EPHB4: variants seen among roughly 807,000 people sequenced by gnomAD.
The protein encoded by EPHB4 is EPH receptor B4, also known as ephrin type-B receptor 4.
EPHB4 carries 50 observed loss-of-function variants against 110.6 expected under a neutral mutation model. The observed-to-expected ratio is 0.45, with a 90% confidence interval of 0.36 to 0.57. EPHB4 has a LOEUF of 0.57. Among genes scored for constraint, EPHB4 ranks in the 20% least tolerant of loss-of-function variants. The pLI is 0.00. For synonymous variants in EPHB4, 592 were observed against 578.4 expected, an observed-to-expected ratio of 1.02 and a Z score of -0.34; for missense variants, 1,128 against 1,382.1, an observed-to-expected ratio of 0.82 and a Z score of 2.91.
chr7:100,804,343 T>A (rs1337389236), intron 16 of EPHB4, among the ~76,000 whole-genome samples: 1 of 142,430 alleles, frequency 7.0e-6, no homozygotes, highest in African/African-American at 2.7e-5. Context: ...GAGATGGAAT[T>A]TCACTCTGTC....
In EPHB4 at chr7:100,813,031, C is replaced by T. The variant is rs144744218; in HGVS notation, c.1871-37G>A. 10 of 1,612,490 alleles carry T rather than the reference C, an allele frequency of 6.2e-6. No individual in the cohort carries two copies. The Admixed American group carries it at 1.0e-4, about 16-fold the overall frequency. On this transcript the variant is annotated intron_variant, in intron 11 of 16. Transcript: ENST00000358173. ...GACGCAGAGGTCATCAGCTCTCCCG[C>T]TCCAGTGTGGCCCTGCCCACCCCCG...
rs549419150 is a variant in EPHB4, at chr7:100,826,962, C to G, written c.52+17G>C. On this transcript the variant is annotated intron_variant, in intron 1 of 16. Coordinates refer to ENST00000358173, the MANE Select transcript of EPHB4 (RefSeq NM_004444.5). ...CCAGGAGTGACGGGGTGCGCCCCCC[C>G]CCGCAAGGAAACTCACCTTCCAAAG... 380 of 1,527,348 alleles carry G rather than the reference C, an allele frequency of 2.5e-4. 2 individuals carry two copies. Among genetic ancestry groups the G allele is most frequent in the Middle Eastern group, 3.4e-4 (2 of 5,842 alleles). 94.6% of individuals were successfully genotyped at this position (1,527,348 alleles called of 1,614,324 possible).
At position 100,813,004 on chromosome 7, in the gene EPHB4, A is replaced by G; in HGVS notation, c.1871-10T>C. On this transcript the variant is annotated splice_polypyrimidine_tract_variant and intron_variant, in intron 11 of 16. Coordinates refer to ENST00000358173, the MANE Select transcript of EPHB4 (RefSeq NM_004444.5). ...ACCTCGCCAAACTCACCTTCAAACAAGGACGCAGAGGTCATCAGCTCTCCC... is the reference window on the plus strand; with the variant it reads ...ACCTCGCCAAACTCACCTTCAAACAGGGACGCAGAGGTCATCAGCTCTCCC... 6.2e-7 allele frequency: 1 copy of G among 1,612,478 alleles called. No individual in the cohort carries two copies. Among genetic ancestry groups the G allele is most frequent in the Non-Finnish European group, 8.5e-7 (1 of 1,178,942 alleles).
rs903791187 is a variant in EPHB4, at chr7:100,820,411, G to A, written c.809-115C>T. Reference sequence around the variant, plus strand: ...TTTGGGAGGCTGAGGCTGGAGGATCGCTTGAGCCAAGGGGTTCAAGACCAG... The same window carrying A: ...TTTGGGAGGCTGAGGCTGGAGGATCACTTGAGCCAAGGGGTTCAAGACCAG... On this transcript the variant is annotated intron_variant, in intron 4 of 16. Transcript: ENST00000358173. The A allele has an allele frequency of 1.3e-5, 17 of 1,349,204 alleles. No individual in the cohort carries two copies. The African/African-American group carries it at 1.5e-4, about 12-fold the overall frequency. The allele number at this position is 1,349,204 out of a possible 1,614,324, so 83.6% of individuals were successfully genotyped here.
chr7:100,810,078 T>C (rs1812895846), intron 12 of EPHB4, among the ~76,000 whole-genome samples: 1 of 152,016 alleles, frequency 6.6e-6, no homozygotes, highest in Non-Finnish European at 1.5e-5. Flanking sequence ...GGTGAAACCC[T>C]GTCTCTACTA....
At position 100,807,598 on chromosome 7, in the gene EPHB4, TG is replaced by T; in HGVS notation, c.2119-19del. The T allele has an allele frequency of 1.2e-6, 2 of 1,608,336 alleles. No individual in the cohort carries two copies. The highest frequency in any genetic ancestry group is 1.7e-6 in the Non-Finnish European group (2 of 1,175,952). On this transcript the variant is annotated intron_variant, in intron 12 of 16. Transcript: ENST00000358173. ...TCGTTTAGCTGGAGAGCAGATAGGGTGGGGGCTTGGTGAGGACAGCCCACCC... is the reference window on the plus strand; with the variant it reads ...TCGTTTAGCTGGAGAGCAGATAGGGTGGGGCTTGGTGAGGACAGCCCACCC...
At chr7:100,816,931 A>C (rs1813085368) in intron 8 of EPHB4, among the ~76,000 whole-genome samples, 1 of 151,930 alleles carries the variant, frequency 6.6e-6, no homozygotes, top group African/African-American at 2.4e-5. Context: ...AAAATACAAA[A>C]AATCGGCCAG....
intron 12 of EPHB4, among the ~76,000 whole-genome samples, chr7:100,811,399 A>T (rs56135824): frequency 0.09 from 13,697 of 151,718 alleles, 685 homozygotes; most frequent in African/African-American, 0.13. Flanking sequence ...ATTTGAAATG[A>T]TTTGTTTACT....
rs745973556 is a variant in EPHB4 at position 100,817,220 on chromosome 7, C to A, written c.1560G>T (p.Gln520His). The part of the protein sequence containing the change: ...RSEAGYGPFG[Q>H]EHHSQTQLDE... ...CCAGTTGGGTCTGGCTGTGATGTTC[C>A]TGGCCGAAGGGCCCGTAGCCGGCCT... The change falls in exon 8 of 17, where the codon CAG becomes CAT. Residue 520 changes from glutamine (Q) to histidine (H), a missense_variant. Transcript: ENST00000358173. 1.3e-6 allele frequency: 2 copies of A among 1,590,014 alleles called. No homozygotes were observed. The highest frequency in any genetic ancestry group is 1.7e-6 in the Non-Finnish European group (2 of 1,168,508).
intron 4 of EPHB4, among the ~76,000 whole-genome samples, chr7:100,820,826 C>T (rs772009721): frequency 6.6e-6 from 1 of 151,408 alleles, no homozygotes; most frequent in Non-Finnish European, 1.5e-5. Flanking sequence ...TCACCATGAG[C>T]AAAAACAATC....
Position 100,824,043 on chromosome 7 carries a change from C to T in EPHB4, c.124-112G>A, listed in dbSNP as rs41280998. ...TGAGAAAGGGGGGCTGCTGGTACTG[C>T]GAGGAGGGCGCCTCTGAGAAGGGCT... On this transcript the variant is annotated intron_variant, in intron 2 of 16. Transcript: ENST00000358173. 119,432 of 1,510,550 alleles carry T rather than the reference C, an allele frequency of 0.079. 5,088 individuals carry two copies. Among genetic ancestry groups the T allele is most frequent in the African/African-American group, 0.14 (9,944 of 72,634 alleles). 93.6% of individuals were successfully genotyped at this position (1,510,550 alleles called of 1,614,324 possible).
intron 12 of EPHB4, among the ~76,000 whole-genome samples, chr7:100,809,755 C>T (rs1336127087): frequency 1.3e-5 from 2 of 152,206 alleles, no homozygotes; most frequent in South Asian, 2.1e-4. Flanking sequence ...CTCGAGTGAT[C>T]CACCAGCCTC....
chr7:100,806,334 A>T (rs1812816693), intron 14 of EPHB4, 86 bp downstream of exon 14: 3 of 1,488,470 alleles, frequency 2.0e-6, no homozygotes, highest in South Asian at 2.6e-5. Context: ...CCCAGCAGTG[A>T]TGACTCTCTG....
chr7:100,820,477 A>G, intron 4 of EPHB4, 181 bp from the exon 5 acceptor site: 1 of 611,270 alleles, frequency 1.6e-6, no homozygotes, highest in South Asian at 3.7e-5. Context: ...AAAAAAAAAA[A>G]AAAAATTCCA....
chr7:100,803,470 CG>C lies in EPHB4; in HGVS notation c.2954del (p.Pro985ArgfsTer43). On this transcript the variant is annotated frameshift_variant, in exon 17 of 17. Coordinates refer to ENST00000358173, the MANE Select transcript of EPHB4 (RefSeq NM_004444.5). LOFTEE classifies it high-confidence loss of function. The stretch of plus-strand genomic sequence containing the variant: ...GGGGAGTTCCTGCAGGTCAGTACTG[CG>C]GGGCCGGTCCTCCTGTCCCACCCGG... ...GTPGGTGGPA[P>X]QY 1 of 1,572,610 alleles carries C rather than the reference CG, an allele frequency of 6.4e-7. No individual in the cohort carries two copies.
intron 16 of EPHB4, 70 bp from the exon 17 acceptor site, chr7:100,803,660 A>G: frequency 6.6e-7 from 1 of 1,506,428 alleles, no homozygotes; most frequent in Non-Finnish European, 8.9e-7. Flanking sequence ...TTGGCTCCTG[A>G]GACGGTCCTA....
In EPHB4 at chr7:100,818,282, G is replaced by A. The variant is rs1322416755; in HGVS notation, c.1422+238C>T. On this transcript the variant is annotated intron_variant, in intron 7 of 16. Transcript: ENST00000358173. ...TCCCAAAGTGCTTGGTATTACAGGC[G>A]TGAGCCACCGCACCCAACCTCAGCC... is the stretch of plus-strand genomic sequence containing the variant. Among the ~76,000 whole-genome samples, 7 of 152,168 alleles carry A rather than the reference G, an allele frequency of 4.6e-5. No individual in the cohort carries two copies. The South Asian group carries it at 6.2e-4, about 14-fold the overall frequency.
Position 100,803,504 on chromosome 7 carries a change from G to A in EPHB4, c.2921C>T (p.Pro974Leu), listed in dbSNP as rs1451136099. The change falls in exon 17 of 17, where the codon CCG becomes CTG. Residue 974 changes from proline (P) to leucine (L), a missense_variant. Around this residue, in one of 3 missense-constraint regions of EPHB4, gnomAD observed 209 missense variants for 240.5 expected, o/e 0.87. Coordinates refer to ENST00000358173, the MANE Select transcript of EPHB4 (RefSeq NM_004444.5). ...TCCTCCTGTCCCACCCGGGGTTCCC[G>A]GCTTGGCCTGGGACTTCATGTGCTG... Reference protein sequence around the residue: ...SVQHMKSQAKPGTPGGTGGPA... With the variant: ...SVQHMKSQAKLGTPGGTGGPA... 3 of 1,588,102 alleles carry A rather than the reference G, an allele frequency of 1.9e-6. No individual in the cohort carries two copies. The highest frequency in any genetic ancestry group is 2.3e-5 in the East Asian group (1 of 44,108).
chr7:100,821,498 G>A (rs534546314), intron 4 of EPHB4, among the ~76,000 whole-genome samples: 182 of 150,696 alleles, frequency 1.2e-3, no homozygotes, highest in Non-Finnish European at 2.1e-3. Context: ...GCGTGGTGGC[G>A]GGGCCTGTAG....
Sources: gnomAD v4.1 joint callset for allele counts (sites outside exome capture counted in the v4.1 genomes callset) on GRCh38, gnomAD v4.1.1 for gene constraint, gnomAD v4.1.1 regional missense constraint, MANE v1.5 for transcripts, NCBI Gene and HGNC (gene_info 2026-07-23, HGNC 2026-07-21) for gene names.